Variants in WDR7 observed in about 807,000 individuals in gnomAD.
The protein encoded by WDR7 is WD repeat domain 7, also known as WD repeat-containing protein 7.
Under a neutral mutation model 169.4 loss-of-function variants are expected in WDR7, and 46 were observed. The ratio of observed to expected loss-of-function variants is 0.27; its 90% CI spans 0.21 to 0.35. WDR7 has a LOEUF of 0.35. WDR7 is among the 10% of genes least tolerant of loss of function. WDR7 has a pLI of 1.00. For synonymous variants in WDR7, 612 were observed against 666.8 expected (o/e 0.92, Z 1.27); for missense variants, 1,534 against 1,859.3 (o/e 0.83, Z 3.22).
chr18:56,730,843 C>T (rs1449243516), intron 13 of WDR7, among the ~76,000 whole-genome samples: 1 of 151,970 alleles, frequency 6.6e-6, no homozygotes, highest in Non-Finnish European at 1.5e-5. Context: ...TTTCCACAAA[C>T]ATACGAAGAA....
At chr18:57,022,562 A>G (rs1225435986) in intron 27 of WDR7, among the ~76,000 whole-genome samples, 1 of 152,184 alleles carries the variant, frequency 6.6e-6, no homozygotes, top group African/African-American at 2.4e-5. Flanking sequence ...AATACCTCAC[A>G]TATTAGCCAG....
intron 21 of WDR7, among the ~76,000 whole-genome samples, chr18:56,903,173 G>A (rs189604513): frequency 7.7e-4 from 117 of 152,214 alleles, no homozygotes; most frequent in African/African-American, 2.7e-3. Context: ...CTCATCAACC[G>A]TTGAGGTTTT....
Position 56,691,231 on chromosome 18 carries a change from G to A in WDR7, c.733G>A (p.Asp245Asn). 6.2e-7 allele frequency: 1 copy of A among 1,607,486 alleles called. No individual in the cohort carries two copies. The highest frequency in any genetic ancestry group is 8.5e-7 in the Non-Finnish European group (1 of 1,177,944). Residue 245 changes from aspartate (D) to asparagine (N), a missense_variant, in exon 8 of 28, where the codon GAC becomes AAC. Coordinates refer to ENST00000254442, the MANE Select transcript of WDR7 (RefSeq NM_015285.3). ...TTCCTTGCAGGTGTTCGATGCCGGA[G>A]ACTATTCCTTGTTGTGTTCAGGTCC... ...SKYWRVFDAG[D>N]YSLLCSGPSE...
At chr18:56,721,779 T>C (rs1352908880) in intron 13 of WDR7, 1 of 152,230 alleles carries the variant, frequency 6.6e-6, no homozygotes, top group Non-Finnish European at 1.5e-5. Flanking sequence ...GTTCTTCTTA[T>C]CTAGCCATTA....
chr18:56,759,985 C>G (rs2043957070), intron 16 of WDR7, among the ~76,000 whole-genome samples: 1 of 152,164 alleles, frequency 6.6e-6, no homozygotes, highest in Admixed American at 6.5e-5. Flanking sequence ...CCCACACTTT[C>G]TATGCCATTT....
At chr18:56,790,624 C>A (rs1453129422) in intron 19 of WDR7, among the ~76,000 whole-genome samples, 1 of 151,958 alleles carries the variant, frequency 6.6e-6, no homozygotes. Flanking sequence ...CTTGCTTAAT[C>A]CATTCTTTCT....
At chr18:56,783,398 T>G (rs971136862) in intron 19 of WDR7, among the ~76,000 whole-genome samples, 1 of 152,186 alleles carries the variant, frequency 6.6e-6, no homozygotes, top group Non-Finnish European at 1.5e-5. Context: ...TATAGTTAGA[T>G]GATCATCTCA....
At chr18:56,933,364 AT>A (rs2046916949) in intron 22 of WDR7, among the ~76,000 whole-genome samples, 1 of 152,148 alleles carries the variant, frequency 6.6e-6, no homozygotes, top group Non-Finnish European at 1.5e-5. Context: ...GAAGTTGGTC[AT>A]TTTTGTGCCC....
intron 21 of WDR7, among the ~76,000 whole-genome samples, chr18:56,916,271 C>T (rs922297904): frequency 3.3e-5 from 5 of 151,442 alleles, no homozygotes; most frequent in Admixed American, 6.6e-5. Context: ...TCCCCCCTCC[C>T]GCCACCCCAC....
At chr18:56,664,165 A>G (rs2024969179) in intron 1 of WDR7, among the ~76,000 whole-genome samples, 1 of 152,150 alleles carries the variant, frequency 6.6e-6, no homozygotes, top group Admixed American at 6.6e-5. Flanking sequence ...TGTCTCTGCC[A>G]TATTGGAGAG....
chr18:56,763,113 C>T (rs2044004920), intron 16 of WDR7, among the ~76,000 whole-genome samples: 1 of 152,012 alleles, frequency 6.6e-6, no homozygotes. Flanking sequence ...GGCGCCCGCA[C>T]CACGCCCAGC....
intron 16 of WDR7, among the ~76,000 whole-genome samples, chr18:56,775,109 A>G (rs1218956098): frequency 2.6e-5 from 4 of 152,078 alleles, no homozygotes; most frequent in Non-Finnish European, 5.9e-5. Context: ...GACTTGTGTT[A>G]GGGTAATGAC....
chr18:56,739,335 G>A (rs1189023899), intron 14 of WDR7, among the ~76,000 whole-genome samples: 1 of 152,044 alleles, frequency 6.6e-6, no homozygotes, highest in African/African-American at 2.4e-5. Flanking sequence ...ACTTATTACA[G>A]TCTAAAACAA....
intron 22 of WDR7, among the ~76,000 whole-genome samples, chr18:56,929,442 A>G (rs2046851286): frequency 6.6e-6 from 1 of 152,240 alleles, no homozygotes. Flanking sequence ...GAATAAAGTC[A>G]TGGGATTTAA....
At chr18:56,811,649 A>G in intron 19 of WDR7, among the ~76,000 whole-genome samples, 1 of 152,024 alleles carries the variant, frequency 6.6e-6, no homozygotes, top group East Asian at 1.9e-4. Context: ...TTGAGTTACT[A>G]TTTATATAAA....
intron 15 of WDR7, 70 bp from the exon 16 acceptor site, chr18:56,758,795 T>C (rs2043937584): frequency 8.0e-7 from 1 of 1,243,312 alleles, no homozygotes; most frequent in Admixed American, 2.4e-5. Context: ...TAGAAAATTT[T>C]TTATTTTAAA....
At chr18:56,860,661 AATTTG>A (rs1371929502) in intron 20 of WDR7, among the ~76,000 whole-genome samples, 1 of 152,150 alleles carries the variant, frequency 6.6e-6, no homozygotes, top group Non-Finnish European at 1.5e-5. Flanking sequence ...TAATCCTTTT[AATTTG>A]ATTATGCTAT....
chr18:56,859,668 A>G (rs966022131), intron 20 of WDR7, among the ~76,000 whole-genome samples: 2 of 152,216 alleles, frequency 1.3e-5, no homozygotes, highest in African/African-American at 4.8e-5. Flanking sequence ...AAAACGAAAT[A>G]ATTTCGAACA....
intron 18 of WDR7, among the ~76,000 whole-genome samples, chr18:56,780,415 C>T (rs1038244378): frequency 6.6e-6 from 1 of 152,152 alleles, no homozygotes; most frequent in Admixed American, 6.6e-5. Context: ...AGAATACTAG[C>T]ATTTTCATTG....
Sources: gnomAD v4.1 joint callset for allele counts (sites outside exome capture counted in the v4.1 genomes callset) on GRCh38, gnomAD v4.1.1 for gene constraint, MANE v1.5 for transcripts, NCBI Gene and HGNC (gene_info 2026-07-23, HGNC 2026-07-21) for gene names.